The following DSCAML1 variants were observed in gnomAD, a reference collection of about 807,000 sequenced individuals.
DSCAML1 encodes DS cell adhesion molecule like 1, also known as cell adhesion molecule DSCAML1.
In DSCAML1, 38 loss-of-function variants were observed where a neutral mutation model predicts 200.5. That is an observed-to-expected ratio of 0.19 (90% CI 0.15 to 0.25). The LOEUF (loss-of-function observed/expected upper bound fraction) is 0.25, where lower values mean the gene tolerates loss of function less well. Ranked by LOEUF, DSCAML1 falls within the 10% of genes least tolerant of loss-of-function variation. The pLI, the probability that DSCAML1 is intolerant of heterozygous loss-of-function variation, is 1.00. For synonymous variants in DSCAML1, 1,215 were observed against 1,165.0 expected, an observed-to-expected ratio of 1.04 and a Z score of -0.87; for missense variants, 2,223 against 2,858.8, an observed-to-expected ratio of 0.78 and a Z score of 5.07.
intron 3 of DSCAML1, among the ~76,000 whole-genome samples, chr11:117,667,169 C>T (rs989912864): frequency 6.6e-6 from 1 of 152,078 alleles, no homozygotes; most frequent in Non-Finnish European, 1.5e-5. Flanking sequence ...CCCAGCACTT[C>T]GGGAGGCCAA....
chr11:117,722,554 G>C (rs2054058504), intron 3 of DSCAML1, among the ~76,000 whole-genome samples: 3 of 152,172 alleles, frequency 2.0e-5, no homozygotes, highest in Admixed American at 2.0e-4. Context: ...ACAAAGAAAT[G>C]ATAAATGTTT....
intron 3 of DSCAML1, among the ~76,000 whole-genome samples, chr11:117,532,726 G>A (rs1175403740): frequency 1.3e-5 from 2 of 152,112 alleles, no homozygotes; most frequent in African/African-American, 2.4e-5. Context: ...TCTGGGTCCC[G>A]ATCTGGCTTT....
At chr11:117,643,855 T>C (rs1733661187) in intron 3 of DSCAML1, among the ~76,000 whole-genome samples, 1 of 152,172 alleles carries the variant, frequency 6.6e-6, no homozygotes, top group South Asian at 2.1e-4. Flanking sequence ...GGCCAAGCAT[T>C]ACTTGCATTC....
At position 117,502,424 on chromosome 11, in the gene DSCAML1, G is replaced by A. The variant is rs556435179; in HGVS notation, c.2359+1421C>T. Among the ~76,000 whole-genome samples the A allele has an allele frequency of 3.8e-4, 58 of 152,340 alleles. No individual in the cohort carries two copies. The South Asian group carries it at 0.012, about 31-fold the overall frequency. ...CCCCCGCCTCGCGCAGCCAGAATTA[G>A]CCAAGCTCTCCCAAGCTGAGGGATG... On this transcript the variant is annotated intron_variant, in intron 11 of 32. Transcript: ENST00000651296.
intron 3 of DSCAML1, among the ~76,000 whole-genome samples, chr11:117,632,800 A>G (rs1381377032): frequency 1.3e-5 from 2 of 152,254 alleles, no homozygotes; most frequent in Non-Finnish European, 2.9e-5. Context: ...TAATAATAGT[A>G]ACTACCATTT....
chr11:117,522,478 C>T (rs1252205437), intron 5 of DSCAML1, among the ~76,000 whole-genome samples: 1 of 152,222 alleles, frequency 6.6e-6, no homozygotes, highest in African/African-American at 2.4e-5. Context: ...TCCTTGATCT[C>T]TATGGGCTAG....
intron 1 of DSCAML1, among the ~76,000 whole-genome samples, chr11:117,809,599 C>T (rs927691276): frequency 3.9e-5 from 6 of 152,330 alleles, no homozygotes; most frequent in South Asian, 2.1e-4. Context: ...AGTCATGTCT[C>T]GCAGTGAAGC....
chr11:117,803,044 G>C (rs934211487), intron 1 of DSCAML1, among the ~76,000 whole-genome samples: 1 of 151,904 alleles, frequency 6.6e-6, no homozygotes, highest in Non-Finnish European at 1.5e-5. Context: ...CTGGCTTCTC[G>C]GTGGGTCTGG....
At chr11:117,701,213 C>T (rs2053661615) in intron 3 of DSCAML1, among the ~76,000 whole-genome samples, 1 of 152,076 alleles carries the variant, frequency 6.6e-6, no homozygotes, top group Non-Finnish European at 1.5e-5. Context: ...CTGCAGTGAG[C>T]CAAGATTGTG....
At chr11:117,814,968 A>G (rs753882782) in intron 1 of DSCAML1, among the ~76,000 whole-genome samples, 2 of 152,170 alleles carry the variant, frequency 1.3e-5, no homozygotes, top group Non-Finnish European at 2.9e-5. Flanking sequence ...TTTGGCACGC[A>G]CTCGGTTACT....
chr11:117,430,584 G>A, intron 32 of DSCAML1, 138 bp downstream of exon 32: 1 of 969,864 alleles, frequency 1.0e-6, no homozygotes, highest in Non-Finnish European at 1.5e-6. Flanking sequence ...CCTTGCTGTT[G>A]GTACCACCCT....
chr11:117,500,785 G>A (rs1358503127), intron 11 of DSCAML1, among the ~76,000 whole-genome samples: 1 of 152,204 alleles, frequency 6.6e-6, no homozygotes, highest in Non-Finnish European at 1.5e-5. Context: ...CGTCCAATCT[G>A]ACACTTGGAG....
intron 3 of DSCAML1, among the ~76,000 whole-genome samples, chr11:117,547,915 T>TC (rs891923242): frequency 3.9e-5 from 6 of 152,074 alleles, no homozygotes; most frequent in African/African-American, 1.4e-4. Context: ...CTCATGACAC[T>TC]CTCCCACCCC....
chr11:117,709,871 T>C (rs1473653003), intron 3 of DSCAML1: 1 of 431,152 alleles, frequency 2.3e-6, no homozygotes. Context: ...AGACTGGCCA[T>C]GAGACAGGTC....
intron 3 of DSCAML1, among the ~76,000 whole-genome samples, chr11:117,561,465 ATCTGCACATGCTACAGT>A (rs1412177308): frequency 6.6e-6 from 1 of 152,120 alleles, no homozygotes; most frequent in Non-Finnish European, 1.5e-5. Context: ...TGGGGATGAA[ATCTGCACATGCTACAGT>A]TCTGTGGGGC....
intron 3 of DSCAML1, among the ~76,000 whole-genome samples, chr11:117,686,508 C>T (rs2053402492): frequency 6.6e-6 from 1 of 152,262 alleles, no homozygotes; most frequent in Non-Finnish European, 1.5e-5. Flanking sequence ...CTCCCCAGCC[C>T]TGGTCCCTGC....
At chr11:117,597,450 TTTC>T (rs1475780065) in intron 3 of DSCAML1, among the ~76,000 whole-genome samples, 1 of 152,164 alleles carries the variant, frequency 6.6e-6, no homozygotes, top group African/African-American at 2.4e-5. Flanking sequence ...CTAGGAATTA[TTTC>T]TTTTGTCTTT....
chr11:117,652,666 C>T (rs1385470863), intron 3 of DSCAML1, among the ~76,000 whole-genome samples: 1 of 152,242 alleles, frequency 6.6e-6, no homozygotes, highest in African/African-American at 2.4e-5. Flanking sequence ...AGATTCTTGC[C>T]TGGGCCCCCG....
intron 3 of DSCAML1, among the ~76,000 whole-genome samples, chr11:117,665,772 C>T (rs535224917): frequency 1.2e-4 from 19 of 152,256 alleles, no homozygotes; most frequent in East Asian, 9.7e-4. Flanking sequence ...GCCCAGGACA[C>T]GGGGCTAGTA....
Sources: gnomAD v4.1 joint callset for allele counts (sites outside exome capture counted in the v4.1 genomes callset) on GRCh38, gnomAD v4.1.1 for gene constraint, MANE v1.5 for transcripts, NCBI Gene and HGNC (gene_info 2026-07-23, HGNC 2026-07-21) for gene names.